The following ZMYM4 variants were observed in gnomAD, a reference collection of about 807,000 sequenced individuals.
ZMYM4 encodes zinc finger MYM-type protein 4.
A neutral mutation model predicts 183.2 loss-of-function variants in ZMYM4; 31 were observed. The ratio of observed to expected loss-of-function variants is 0.17; its 90% CI spans 0.13 to 0.23. The LOEUF (loss-of-function observed/expected upper bound fraction) is 0.23, where lower values mean the gene tolerates loss of function less well. Among genes scored for constraint, ZMYM4 ranks in the 10% least tolerant of loss-of-function variants. The pLI is 1.00. For missense variants in ZMYM4, 1,273 were observed against 1,840.3 expected, an observed-to-expected ratio of 0.69 and a Z score of 5.64; for synonymous variants, 592 against 631.2, an observed-to-expected ratio of 0.94 and a Z score of 0.93.
At chr1:35,269,398 GTGCA>G (rs1639483000) in intron 1 of ZMYM4, among the ~76,000 whole-genome samples, 1 of 151,436 alleles carries the variant, frequency 6.6e-6, no homozygotes, top group Non-Finnish European at 1.5e-5. Flanking sequence ...TGCATCTTTA[GTGCA>G]TCTTTAGTAC....
intron 25 of ZMYM4, among the ~76,000 whole-genome samples, chr1:35,407,792 A>G (rs563319014): frequency 6.6e-6 from 1 of 152,310 alleles, no homozygotes; most frequent in African/African-American, 2.4e-5. Context: ...TGCCATTTAA[A>G]GAAAGCCTCT....
chr1:35,330,013 C>G (rs1013801291), intron 2 of ZMYM4, among the ~76,000 whole-genome samples: 4 of 152,016 alleles, frequency 2.6e-5, no homozygotes, highest in Non-Finnish European at 4.4e-5. Context: ...CCCAGGAGTT[C>G]AAAACCAGCC....
At chr1:35,361,349 A>G (rs1643932001) in intron 4 of ZMYM4, 94 bp downstream of exon 4, 1 of 1,258,040 alleles carries the variant, frequency 7.9e-7, no homozygotes, top group Non-Finnish European at 1.1e-6. Context: ...TGTATTAGGT[A>G]GAGCACTGAT....
intron 22 of ZMYM4, among the ~76,000 whole-genome samples, 154 bp from the exon 23 acceptor site, chr1:35,399,321 CACTATAT>C (rs1644862104): frequency 1.3e-5 from 2 of 152,094 alleles, no homozygotes; most frequent in Non-Finnish European, 2.9e-5. Context: ...TTCATTTATG[CACTATAT>C]CCTTGGTTTA....
intron 1 of ZMYM4, among the ~76,000 whole-genome samples, chr1:35,300,942 T>G (rs1273010691): frequency 2.0e-5 from 3 of 152,172 alleles, no homozygotes; most frequent in Non-Finnish European, 4.4e-5. Flanking sequence ...CTTGGTAGCT[T>G]TTGATTGAAT....
At position 35,276,263 on chromosome 1, in the gene ZMYM4, C is replaced by T. The variant is rs1417736153; in HGVS notation, c.39+7178C>T. On this transcript the variant is annotated intron_variant, in intron 1 of 29. Transcript: ENST00000314607. Reference sequence around the variant, plus strand: ...ATTTCTGTCCCTCCCTCCCTCCCTCCTTCCCTCCCTCCCTCCCTTCTTTCT... The same window carrying T: ...ATTTCTGTCCCTCCCTCCCTCCCTCTTTCCCTCCCTCCCTCCCTTCTTTCT... Among the ~76,000 whole-genome samples the T allele has an allele frequency of 1.0e-4, 15 of 146,118 alleles. No individual in the cohort carries two copies. The East Asian group carries it at 2.8e-3, about 27-fold the overall frequency.
chr1:35,386,222 C>G, intron 11 of ZMYM4, 33 bp downstream of exon 11: 1 of 1,475,040 alleles, frequency 6.8e-7, no homozygotes, highest in Non-Finnish European at 9.5e-7. Flanking sequence ...CTTCTTCAGT[C>G]AGTGAGTCAC....
At chr1:35,335,392 A>G (rs1228128225) in intron 2 of ZMYM4, among the ~76,000 whole-genome samples, 1 of 151,890 alleles carries the variant, frequency 6.6e-6, no homozygotes, top group Admixed American at 6.6e-5. Context: ...ACCCACCACC[A>G]TACTTGGCTA....
intron 23 of ZMYM4, among the ~76,000 whole-genome samples, chr1:35,401,010 T>C (rs760922682): frequency 6.6e-6 from 1 of 152,238 alleles, no homozygotes; most frequent in Admixed American, 6.5e-5. Context: ...TTCAGCTGTT[T>C]AACAGGTGAT....
At position 35,392,353 on chromosome 1, in the gene ZMYM4, G is replaced by A; in HGVS notation, c.2728+1G>A. On this transcript the variant is annotated splice_donor_variant, in intron 16 of 29. Transcript: ENST00000314607. LOFTEE classifies it high-confidence loss of function. Reference sequence around the variant, plus strand: ...GTGAATTCTAACAGTGTCTTACAAGGTATGGCTTGATTGGAAAGCATTTAT... The same window carrying A: ...GTGAATTCTAACAGTGTCTTACAAGATATGGCTTGATTGGAAAGCATTTAT... The A allele has an allele frequency of 6.2e-7, 1 of 1,611,620 alleles. No individual in the cohort carries two copies. Among genetic ancestry groups the A allele is most frequent in the Non-Finnish European group, 8.5e-7 (1 of 1,179,302 alleles).
chr1:35,349,445 T>C (rs1643515439), intron 2 of ZMYM4, among the ~76,000 whole-genome samples: 1 of 152,222 alleles, frequency 6.6e-6, no homozygotes, highest in African/African-American at 2.4e-5. Flanking sequence ...GACTGTTGAA[T>C]TACATTGTGA....
chr1:35,300,227 A>G (rs187808524), intron 1 of ZMYM4, among the ~76,000 whole-genome samples: 1 of 152,334 alleles, frequency 6.6e-6, no homozygotes, highest in Non-Finnish European at 1.5e-5. Context: ...CTGGGAAGTC[A>G]GTGTGAATTG....
intron 18 of ZMYM4, among the ~76,000 whole-genome samples, chr1:35,396,350 G>C (rs1404110554): frequency 6.6e-6 from 1 of 151,866 alleles, no homozygotes; most frequent in Non-Finnish European, 1.5e-5. Flanking sequence ...ACTGATATTT[G>C]TTACCCACTT....
At chr1:35,322,898 G>T (rs1642346309) in intron 1 of ZMYM4, among the ~76,000 whole-genome samples, 1 of 151,664 alleles carries the variant, frequency 6.6e-6, no homozygotes, top group African/African-American at 2.4e-5. Context: ...CACCATGTTG[G>T]CCAGGCTGGT....
In ZMYM4 at chr1:35,340,514, C is replaced by G. The variant is rs114031062; in HGVS notation, c.85+15109C>G. ...GAACCCTGGTCTTGTTTTCCTGCAA[C>G]TAGATGGTCCTATCTGGGAGTGATG... On this transcript the variant is annotated intron_variant, in intron 2 of 29. Coordinates refer to ENST00000314607, the MANE Select transcript of ZMYM4 (RefSeq NM_005095.3). 7.6e-3 allele frequency among the ~76,000 whole-genome samples: 1,151 copies of G among 151,946 alleles called. 5 individuals carry two copies. The highest frequency in any genetic ancestry group is 0.011 in the Non-Finnish European group (760 of 67,974).
rs566977110 is a variant in ZMYM4 at position 35,290,060 on chromosome 1, C to T, written c.39+20975C>T. Among the ~76,000 whole-genome samples, 6 of 151,542 alleles carry T rather than the reference C, an allele frequency of 4.0e-5. No individual in the cohort carries two copies. In the East Asian group the frequency reaches 5.9e-4, roughly 15 times the overall value. On this transcript the variant is annotated intron_variant, in intron 1 of 29. Coordinates refer to ENST00000314607, the MANE Select transcript of ZMYM4 (RefSeq NM_005095.3). ...TCAACTCACTGCAGCCCCTGGCTTC[C>T]GGGCTCAAGTGATTCTCCCACCTCA...
At chr1:35,405,287 C>A in intron 24 of ZMYM4, 86 bp from the exon 25 acceptor site, 7 of 1,576,298 alleles carry the variant, frequency 4.4e-6, no homozygotes, top group Non-Finnish European at 6.0e-6. Context: ...TCAAAAACCC[C>A]ATAAAACTTT....
At chr1:35,412,365 T>C (rs1639948390) in intron 26 of ZMYM4, among the ~76,000 whole-genome samples, 1 of 152,156 alleles carries the variant, frequency 6.6e-6, no homozygotes, top group Non-Finnish European at 1.5e-5. Context: ...ATAATTTTAC[T>C]TCTTCCTTTC....
At chr1:35,292,089 C>T (rs1163346199) in intron 1 of ZMYM4, 2 of 152,186 alleles carry the variant, frequency 1.3e-5, no homozygotes, top group Non-Finnish European at 2.9e-5. Flanking sequence ...TACACACAGA[C>T]ATTCAGACAC....
Sources: gnomAD v4.1 joint callset for allele counts (sites outside exome capture counted in the v4.1 genomes callset) on GRCh38, gnomAD v4.1.1 for gene constraint, MANE v1.5 for transcripts, NCBI Gene and HGNC (gene_info 2026-07-23, HGNC 2026-07-21) for gene names.